MTHFD1L: variants seen among roughly 807,000 people sequenced by gnomAD.
The protein encoded by MTHFD1L is methylenetetrahydrofolate dehydrogenase (NADP+ dependent) 1 like.
In MTHFD1L, 81 loss-of-function variants were observed where a neutral mutation model predicts 119.5. The ratio of observed to expected loss-of-function variants is 0.68; its 90% CI spans 0.57 to 0.82. The LOEUF (loss-of-function observed/expected upper bound fraction) is 0.82, where lower values mean the gene tolerates loss of function less well. MTHFD1L is among the 40% of genes least tolerant of loss of function. The probability of loss-of-function intolerance (pLI) is 0.00; values close to 1 mark genes in which losing one functional copy is unlikely to be tolerated. For synonymous variants in MTHFD1L, 430 were observed against 475.2 expected (o/e 0.90, Z 1.24); for missense variants, 1,125 against 1,253.4 (o/e 0.90, Z 1.55).
chr6:151,061,318 T>C (rs186881973), intron 26 of MTHFD1L, among the ~76,000 whole-genome samples: 3 of 152,270 alleles, frequency 2.0e-5, no homozygotes, highest in Admixed American at 6.5e-5. Flanking sequence ...TCCTCCAGCA[T>C]TGAACTATGA....
chr6:151,071,232 G>A (rs1169192401), intron 26 of MTHFD1L, among the ~76,000 whole-genome samples: 1 of 151,366 alleles, frequency 6.6e-6, no homozygotes, highest in African/African-American at 2.4e-5. Flanking sequence ...ATAGAAAGAG[G>A]GAGAAGAAGT....
chr6:151,090,247 C>T (rs889324875), intron 26 of MTHFD1L, among the ~76,000 whole-genome samples: 2 of 152,204 alleles, frequency 1.3e-5, no homozygotes, highest in African/African-American at 4.8e-5. Flanking sequence ...ACCGGCTTTT[C>T]CCTCCCCTTC....
chr6:151,050,598 C>T (rs1788864219), intron 26 of MTHFD1L, among the ~76,000 whole-genome samples: 1 of 152,172 alleles, frequency 6.6e-6, no homozygotes, highest in Non-Finnish European at 1.5e-5. Flanking sequence ...TCAGAAGTTC[C>T]AGAGGCCCAG....
At chr6:151,015,401 A>G in intron 23 of MTHFD1L, 115 bp from the exon 24 acceptor site, 2 of 1,165,578 alleles carry the variant, frequency 1.7e-6, no homozygotes, top group African/African-American at 1.5e-5. Context: ...ACCACTTTTG[A>G]TGTTTAAAAT....
At chr6:150,917,438 T>G (rs1303860927) in intron 8 of MTHFD1L, among the ~76,000 whole-genome samples, 1 of 151,760 alleles carries the variant, frequency 6.6e-6, no homozygotes, top group African/African-American at 2.4e-5. Flanking sequence ...TGCGGTGAGC[T>G]GAGATCGTGC....
chr6:151,014,287 C>T (rs1474449185), intron 22 of MTHFD1L, among the ~76,000 whole-genome samples: 5 of 152,190 alleles, frequency 3.3e-5, no homozygotes, highest in Admixed American at 3.3e-4. Flanking sequence ...ATTCAGTTAA[C>T]TCTTAAATAT....
At chr6:150,992,426 A>T (rs1779176802) in intron 20 of MTHFD1L, among the ~76,000 whole-genome samples, 1 of 152,234 alleles carries the variant, frequency 6.6e-6, no homozygotes. Flanking sequence ...CATAGGAGTT[A>T]TGACCATGGG....
intron 3 of MTHFD1L, 44 bp from the exon 4 acceptor site, chr6:150,877,729 T>G (rs1780681532): frequency 6.2e-7 from 1 of 1,614,224 alleles, no homozygotes; most frequent in East Asian, 2.2e-5. Flanking sequence ...CTTTTAACAA[T>G]ACATTCTCTT....
At chr6:150,890,984 T>A (rs995270361) in intron 7 of MTHFD1L, among the ~76,000 whole-genome samples, 1 of 152,110 alleles carries the variant, frequency 6.6e-6, no homozygotes, top group Non-Finnish European at 1.5e-5. Context: ...TTGTTTTGTT[T>A]TTTGTTTGTT....
At chr6:150,954,666 A>T (rs803459) in intron 16 of MTHFD1L, among the ~76,000 whole-genome samples, 1 of 151,524 alleles carries the variant, frequency 6.6e-6, no homozygotes, top group Admixed American at 6.6e-5. Flanking sequence ...TCCAGCCTGC[A>T]TGACAAAAAA....
At position 150,996,895 on chromosome 6, in the gene MTHFD1L, T is replaced by C. The variant is rs79112577; in HGVS notation, c.2126-12924T>C. On this transcript the variant is annotated intron_variant, in intron 20 of 27. Coordinates refer to ENST00000367321, the MANE Select transcript of MTHFD1L (RefSeq NM_015440.5). The stretch of plus-strand genomic sequence containing the variant: ...CTATGCTTCTTTCATCCCCTCTGCC[T>C]TGAATTCGCCTGCTTTCTAGGTGCG... Among the ~76,000 whole-genome samples the C allele has an allele frequency of 9.6e-3, 1,464 of 152,292 alleles. 22 individuals carry two copies. The highest frequency in any genetic ancestry group is 0.033 in the African/African-American group (1,375 of 41,564).
intron 24 of MTHFD1L, among the ~76,000 whole-genome samples, chr6:151,019,777 C>A (rs1332971579): frequency 6.6e-6 from 1 of 152,190 alleles, no homozygotes; most frequent in Non-Finnish European, 1.5e-5. Context: ...AGATTTAGAT[C>A]ATCTAAGACC....
chr6:151,064,600 G>T (rs1025579693), intron 26 of MTHFD1L, among the ~76,000 whole-genome samples: 3 of 151,888 alleles, frequency 2.0e-5, no homozygotes, highest in African/African-American at 7.3e-5. Context: ...GGCATGAGCC[G>T]CCGTGCCCAG....
At chr6:151,033,122 T>C (rs535912812) in intron 24 of MTHFD1L, among the ~76,000 whole-genome samples, 46 of 136,534 alleles carry the variant, frequency 3.4e-4, no homozygotes, top group Middle Eastern at 3.6e-3. Flanking sequence ...ATATGCTTTC[T>C]TTTTTTTTTT....
intron 26 of MTHFD1L, among the ~76,000 whole-genome samples, chr6:151,047,273 G>A (rs1285208084): frequency 2.0e-5 from 3 of 152,168 alleles, no homozygotes; most frequent in Admixed American, 6.5e-5. Flanking sequence ...AGGACTTACC[G>A]TATATGAAAA....
intron 26 of MTHFD1L, among the ~76,000 whole-genome samples, chr6:151,058,648 C>T (rs777197784): frequency 3.9e-5 from 6 of 152,182 alleles, no homozygotes; most frequent in Non-Finnish European, 5.9e-5. Flanking sequence ...GGAGGGCCCA[C>T]GCCACCCTCC....
chr6:150,886,988 C>G (rs1782422818), intron 6 of MTHFD1L, among the ~76,000 whole-genome samples: 1 of 145,388 alleles, frequency 6.9e-6, no homozygotes, highest in African/African-American at 2.5e-5. Context: ...AAGCAAGATC[C>G]TATCTGAAAA....
At chr6:150,887,754 G>T (rs1473848776) in intron 6 of MTHFD1L, 91 bp from the exon 7 acceptor site, 8 of 1,390,696 alleles carry the variant, frequency 5.8e-6, no homozygotes, top group Non-Finnish European at 7.6e-6. Context: ...ACCACACCCA[G>T]CCTAAAAGGG....
At chr6:151,081,882 A>G (rs1385763050) in intron 26 of MTHFD1L, among the ~76,000 whole-genome samples, 16 of 152,114 alleles carry the variant, frequency 1.1e-4, no homozygotes, top group Non-Finnish European at 1.5e-5. Context: ...AGATCGGCTG[A>G]GTGAAAGCAC....
Sources: allele counts gnomAD v4.1 joint callset (sites outside exome capture counted in the v4.1 genomes callset), GRCh38; gene constraint gnomAD v4.1.1; transcripts MANE v1.5; gene names NCBI Gene and HGNC (gene_info 2026-07-23, HGNC 2026-07-21).